The following WASL variants were observed in gnomAD, a reference collection of about 807,000 sequenced individuals.
WASL encodes the protein WASP like actin nucleation promoting factor.
Under a neutral mutation model 55.5 loss-of-function variants are expected in WASL, and 20 were observed. The ratio of observed to expected loss-of-function variants is 0.36; its 90% CI spans 0.25 to 0.52. The LOEUF is 0.52. Among genes scored for constraint, WASL ranks in the 20% least tolerant of loss-of-function variants. The pLI is 0.92. For synonymous variants in WASL, 249 were observed against 217.6 expected, an observed-to-expected ratio of 1.14 and a Z score of -1.27; for missense variants, 504 against 622.5, an observed-to-expected ratio of 0.81 and a Z score of 2.03.
intron 6 of WASL, 83 bp from the exon 7 acceptor site, chr7:123,695,948 C>T: frequency 2.1e-6 from 3 of 1,397,694 alleles, no homozygotes; most frequent in South Asian, 1.2e-5. Context: ...ACCCAATCTA[C>T]ATTTGGCTTT....
intron 1 of WASL, among the ~76,000 whole-genome samples, chr7:123,731,527 A>T (rs1804136178): frequency 6.6e-6 from 1 of 152,218 alleles, no homozygotes; most frequent in Non-Finnish European, 1.5e-5. Flanking sequence ...CACATATGGA[A>T]CGATCACCAA....
At chr7:123,696,172 A>C (rs1388185686) in intron 6 of WASL, among the ~76,000 whole-genome samples, 1 of 152,074 alleles carries the variant, frequency 6.6e-6, no homozygotes, top group African/African-American at 2.4e-5. Context: ...AGGGTTTCAT[A>C]ATGAGCTAAT....
At position 123,683,480 on chromosome 7, in the gene WASL, C is replaced by T. The variant is rs1048522507; in HGVS notation, c.*1039G>A. On this transcript the variant is annotated 3_prime_UTR_variant, in exon 11 of 11. Coordinates refer to ENST00000223023, the MANE Select transcript of WASL (RefSeq NM_003941.4). ...CTCTTCACATGCTATTTGACAAAAA[C>T]CCTCAAAAGTTATCCAAATCAATGC... is the stretch of plus-strand genomic sequence containing the variant. 6.6e-6 allele frequency: 1 copy of T among 151,852 alleles called. No homozygotes were observed. Among genetic ancestry groups the T allele is most frequent in the African/African-American group, 2.4e-5 (1 of 41,372 alleles). 9.4% of individuals were successfully genotyped at this position (151,852 alleles called of 1,614,324 possible). A position where few individuals can be genotyped will look rare whatever the true frequency, so the allele number is the denominator to read the frequency against.
chr7:123,747,411 G>T (rs1481749663), intron 1 of WASL, among the ~76,000 whole-genome samples: 3 of 152,112 alleles, frequency 2.0e-5, no homozygotes, highest in African/African-American at 7.2e-5. Flanking sequence ...ATCTGAAATT[G>T]AATGGAACGA....
At chr7:123,740,591 A>T (rs761830468) in intron 1 of WASL, among the ~76,000 whole-genome samples, 1 of 151,978 alleles carries the variant, frequency 6.6e-6, no homozygotes, top group Non-Finnish European at 1.5e-5. Flanking sequence ...TCCTTTCATC[A>T]TAACTTTTTT....
chr7:123,730,905 C>CAGCAT (rs1206219793), intron 1 of WASL, among the ~76,000 whole-genome samples: 1 of 152,104 alleles, frequency 6.6e-6, no homozygotes, highest in African/African-American at 2.4e-5. Flanking sequence ...CCCAGGTAAT[C>CAGCAT]AGCATAGTAT....
chr7:123,727,604 A>G (rs1276631083), intron 1 of WASL, among the ~76,000 whole-genome samples: 1 of 152,226 alleles, frequency 6.6e-6, no homozygotes, highest in African/African-American at 2.4e-5. Flanking sequence ...CTAAGCCATC[A>G]TGACAGAAAT....
chr7:123,739,916 A>G (rs2052126), intron 1 of WASL, among the ~76,000 whole-genome samples: 727 of 15,352 alleles, frequency 0.047, 1 homozygote, highest in African/African-American at 0.047. Context: ...GTGTGTGTGT[A>G]TATATATATA....
chr7:123,737,064 T>C (rs746193131), intron 1 of WASL, among the ~76,000 whole-genome samples: 1 of 152,186 alleles, frequency 6.6e-6, no homozygotes, highest in African/African-American at 2.4e-5. Flanking sequence ...GGCTGTCTAA[T>C]CTTTTGGCTT....
intron 4 of WASL, 39 bp from the exon 5 acceptor site, chr7:123,704,696 T>C (rs1803640839): frequency 7.6e-7 from 1 of 1,310,206 alleles, no homozygotes; most frequent in Non-Finnish European, 1.0e-6. Context: ...ATTAAATATA[T>C]GTAAGACAAC....
chr7:123,737,224 G>A (rs771670865), intron 1 of WASL, among the ~76,000 whole-genome samples: 2 of 152,054 alleles, frequency 1.3e-5, no homozygotes, highest in Admixed American at 1.3e-4. Flanking sequence ...ATTCAAAACC[G>A]TCCTGGGCCA....
At chr7:123,719,123 T>C (rs1379449973) in intron 1 of WASL, among the ~76,000 whole-genome samples, 1 of 152,232 alleles carries the variant, frequency 6.6e-6, no homozygotes, top group East Asian at 1.9e-4. Flanking sequence ...TCTGACCTGG[T>C]TTATGAATCC....
In WASL at chr7:123,706,757, G is replaced by T; in HGVS notation, c.322C>A (p.His108Asn). 1 of 1,574,172 alleles carries T rather than the reference G, an allele frequency of 6.4e-7. No individual in the cohort carries two copies. The highest frequency in any genetic ancestry group is 8.6e-7 in the Non-Finnish European group (1 of 1,165,848). ...FVYNSPRGYF[H>N]TFAGDTCQVA... is the part of the protein sequence containing the mutation. ...TGACTTACATCTCCAGCAAAGGTATGAAAATATCCTCTAGGACTATTATAT... is the reference window on the plus strand; with the variant it reads ...TGACTTACATCTCCAGCAAAGGTATTAAAATATCCTCTAGGACTATTATAT... The change falls in exon 3 of 11, where the codon CAT becomes AAT. Residue 108 changes from histidine (H) to asparagine (N), a missense_variant. Around this residue, in one of 5 missense-constraint regions of WASL, gnomAD observed 230 missense variants for 271.9 expected, o/e 0.85. Transcript: ENST00000223023.
chr7:123,717,625 T>A (rs1482148769), intron 1 of WASL, among the ~76,000 whole-genome samples: 1 of 152,156 alleles, frequency 6.6e-6, no homozygotes, highest in African/African-American at 2.4e-5. Context: ...TCCAAACAAA[T>A]GAGATGTAAA....
chr7:123,745,371 G>A (rs1804414498), intron 1 of WASL, among the ~76,000 whole-genome samples: 1 of 151,976 alleles, frequency 6.6e-6, no homozygotes, highest in Non-Finnish European at 1.5e-5. Context: ...GATCTTGTGA[G>A]TCCCCATTAA....
rs111317864 is a variant in WASL, at chr7:123,693,357, T to C, written c.827-490A>G. 1.3e-3 allele frequency among the ~76,000 whole-genome samples: 201 copies of C among 152,354 alleles called. No homozygotes were observed. The East Asian group carries it at 0.015, about 12-fold the overall frequency. On this transcript the variant is annotated intron_variant, in intron 8 of 10. Transcript: ENST00000223023. ...TTAATAGAATTCATTCACATTAATC[T>C]GCGCTAAAGCCCAAATATAATGCTT...
chr7:123,726,631 A>C (rs547687436), intron 1 of WASL, among the ~76,000 whole-genome samples: 86 of 152,328 alleles, frequency 5.6e-4, no homozygotes, highest in African/African-American at 2.0e-3. Flanking sequence ...TTGGGAGGCC[A>C]AGGCGGGTGG....
intron 9 of WASL, among the ~76,000 whole-genome samples, chr7:123,689,953 C>T (rs1803371649): frequency 6.6e-6 from 1 of 152,116 alleles, no homozygotes; most frequent in African/African-American, 2.4e-5. Context: ...TCCTCTAATA[C>T]TCCTTGTTCT....
intron 1 of WASL, among the ~76,000 whole-genome samples, chr7:123,730,295 GAAT>G (rs1275300036): frequency 6.6e-6 from 1 of 152,048 alleles, no homozygotes; most frequent in Non-Finnish European, 1.5e-5. Flanking sequence ...AATAAATGGT[GAAT>G]AATTTTTTTC....
Sources: allele counts gnomAD v4.1 joint callset (sites outside exome capture counted in the v4.1 genomes callset), GRCh38; gene constraint gnomAD v4.1.1; regional missense constraint gnomAD v4.1.1; transcripts MANE v1.5; gene names NCBI Gene and HGNC (gene_info 2026-07-23, HGNC 2026-07-21).